The following FAM227B variants were observed in gnomAD, a reference collection of about 807,000 sequenced individuals.
FAM227B encodes family with sequence similarity 227 member B.
FAM227B carries 88 observed loss-of-function variants against 73.8 expected under a neutral mutation model. That is an observed-to-expected ratio of 1.19 (90% CI 1.00 to 1.42). The LOEUF is 1.42. FAM227B is among the 40% of genes most tolerant of loss of function. FAM227B has a pLI of 0.00. For missense variants in FAM227B, 632 were observed against 590.9 expected, an observed-to-expected ratio of 1.07 and a Z score of -0.72; for synonymous variants, 210 against 190.5, an observed-to-expected ratio of 1.10 and a Z score of -0.84.
Position 49,367,543 on chromosome 15 carries a change from T to A in FAM227B, c.1176A>T (p.Pro392=). ...RVLFNFGGQS[P]LILYYLKMHE... is the part of the protein sequence containing the mutation. ...GCATCTTAAGATAATATAAAATCAA[T>A]GGACTCTGACCTCCAAAATTGAAGA... The change falls in exon 13 of 16, where the codon CCA becomes CCT. Residue 392 remains proline, a synonymous_variant. Transcript: ENST00000299338. 1 of 1,607,230 alleles carries A rather than the reference T, an allele frequency of 6.2e-7. No homozygotes were observed. Among genetic ancestry groups the A allele is most frequent in the Non-Finnish European group, 8.5e-7 (1 of 1,178,474 alleles).
intron 1 of FAM227B, among the ~76,000 whole-genome samples, chr15:49,618,707 A>G (rs1479996809): frequency 6.6e-6 from 1 of 152,218 alleles, no homozygotes; most frequent in African/African-American, 2.4e-5. Context: ...ACTGCCTTCC[A>G]CAGGAGAAAG....
chr15:49,390,255 A>G (rs1406681007), intron 11 of FAM227B, among the ~76,000 whole-genome samples: 1 of 151,996 alleles, frequency 6.6e-6, no homozygotes, highest in Non-Finnish European at 1.5e-5. Flanking sequence ...GCTTGTATGT[A>G]TGAGTTACTG....
At chr15:49,372,086 A>AC (rs1567172581) in intron 11 of FAM227B, among the ~76,000 whole-genome samples, 979 of 88,122 alleles carry the variant, frequency 0.011, 171 homozygotes, top group Middle Eastern at 0.037. Flanking sequence ...AATAAAATTC[A>AC]TTTATAAATA....
intron 10 of FAM227B, among the ~76,000 whole-genome samples, chr15:49,529,260 A>C (rs972992515): frequency 6.6e-6 from 1 of 151,556 alleles, no homozygotes; most frequent in East Asian, 1.9e-4. Context: ...ATAAGTGGGA[A>C]CTAAACAATG....
chr15:49,570,782 A>C (rs1269690782), intron 8 of FAM227B, among the ~76,000 whole-genome samples: 3 of 149,348 alleles, frequency 2.0e-5, no homozygotes, highest in African/African-American at 7.3e-5. Context: ...AGGTTGTTGG[A>C]AATTACAGGA....
chr15:49,406,776 G>A (rs541063544), intron 11 of FAM227B, among the ~76,000 whole-genome samples: 17 of 152,106 alleles, frequency 1.1e-4, no homozygotes, highest in African/African-American at 3.6e-4. Context: ...CATGTGTGCC[G>A]GTACATGTTT....
intron 3 of FAM227B, among the ~76,000 whole-genome samples, chr15:49,593,897 G>T (rs1192683453): frequency 6.6e-6 from 1 of 152,184 alleles, no homozygotes; most frequent in African/African-American, 2.4e-5. Context: ...ACATGCGAGT[G>T]CAAGTGTCTT....
At chr15:49,543,105 A>G (rs1407846454) in intron 9 of FAM227B, among the ~76,000 whole-genome samples, 3 of 152,020 alleles carry the variant, frequency 2.0e-5, no homozygotes, top group African/African-American at 7.3e-5. Flanking sequence ...TAGTTGTTTT[A>G]TTTGTTTACA....
chr15:49,358,078 GGACGTATTTCAAA>G (rs1176591581), intron 13 of FAM227B, among the ~76,000 whole-genome samples: 1 of 151,980 alleles, frequency 6.6e-6, no homozygotes, highest in Non-Finnish European at 1.5e-5. Context: ...GGTATTGATG[GGACGTATTTCAAA>G]ATAATAAGAG....
chr15:49,575,144 T>C (rs1447551357), intron 7 of FAM227B, 35 bp from the exon 8 acceptor site: 1 of 1,100,414 alleles, frequency 9.1e-7, no homozygotes, highest in South Asian at 1.4e-5. Context: ...TGCATGGAGA[T>C]TAAAATATAT....
chr15:49,328,069 C>A lies in FAM227B; in HGVS notation c.*499G>T. The A allele has an allele frequency of 1.2e-6, 2 of 1,613,972 alleles. No homozygotes were observed. The highest frequency in any genetic ancestry group is 1.7e-6 in the Non-Finnish European group (2 of 1,179,958). ...TAGCAAATGTGCACAAAGCTTATTA[C>A]CAGAGGAGTGATGGAAGCTTAGCAC... On this transcript the variant is annotated 3_prime_UTR_variant, in exon 16 of 16. Transcript: ENST00000299338.
chr15:49,532,478 A>T (rs1220386867), intron 10 of FAM227B, among the ~76,000 whole-genome samples: 1 of 151,930 alleles, frequency 6.6e-6, no homozygotes, highest in Non-Finnish European at 1.5e-5. Flanking sequence ...AAGCAAAATT[A>T]ATGACAAATA....
At chr15:49,543,748 A>T (rs188895686) in intron 9 of FAM227B, among the ~76,000 whole-genome samples, 5 of 152,156 alleles carry the variant, frequency 3.3e-5, no homozygotes, top group African/African-American at 9.7e-5. Context: ...CCATTTGTTA[A>T]ATAGGGTCTC....
intron 10 of FAM227B, among the ~76,000 whole-genome samples, chr15:49,528,217 T>C (rs1294867102): frequency 1.3e-5 from 2 of 151,878 alleles, no homozygotes; most frequent in Non-Finnish European, 2.9e-5. Flanking sequence ...CCAATTGATC[T>C]TTGACTAAGT....
At chr15:49,376,325 T>G (rs1445886637) in intron 11 of FAM227B, among the ~76,000 whole-genome samples, 2 of 152,044 alleles carry the variant, frequency 1.3e-5, no homozygotes, top group Non-Finnish European at 2.9e-5. Flanking sequence ...AAGTCCAACT[T>G]TATTCTTTTG....
At chr15:49,381,891 CAATAA>C (rs1419024413) in intron 11 of FAM227B, among the ~76,000 whole-genome samples, 1 of 151,810 alleles carries the variant, frequency 6.6e-6, no homozygotes, top group African/African-American at 2.4e-5. Context: ...ACCAGTTAGA[CAATAA>C]AATATTTTAA....
chr15:49,525,708 AT>A (rs2060139885), intron 10 of FAM227B, among the ~76,000 whole-genome samples: 7 of 129,276 alleles, frequency 5.4e-5, no homozygotes, highest in Non-Finnish European at 1.1e-4. Context: ...ATATATATAT[AT>A]ATATATATAT....
At chr15:49,397,451 C>T (rs1274928337) in intron 11 of FAM227B, among the ~76,000 whole-genome samples, 1 of 151,992 alleles carries the variant, frequency 6.6e-6, no homozygotes, top group Non-Finnish European at 1.5e-5. Context: ...AGAACTTCCC[C>T]AATCTAGCAA....
intron 11 of FAM227B, among the ~76,000 whole-genome samples, chr15:49,407,413 T>A (rs1405697685): frequency 1.3e-5 from 2 of 151,988 alleles, no homozygotes; most frequent in African/African-American, 4.8e-5. Context: ...TTCTGTGTTT[T>A]CCCTGTGACC....
Sources: allele counts gnomAD v4.1 joint callset (sites outside exome capture counted in the v4.1 genomes callset), GRCh38; gene constraint gnomAD v4.1.1; transcripts MANE v1.5; gene names NCBI Gene and HGNC (gene_info 2026-07-23, HGNC 2026-07-21).